The following MYO9B variants were observed in gnomAD, a reference collection of about 807,000 sequenced individuals.
MYO9B encodes the protein unconventional myosin-IXb.
Under a neutral mutation model 229.5 loss-of-function variants are expected in MYO9B, and 71 were observed. The ratio of observed to expected loss-of-function variants is 0.31; its 90% CI spans 0.26 to 0.38. MYO9B has a LOEUF of 0.38. Among genes scored for constraint, MYO9B ranks in the 10% least tolerant of loss-of-function variants. The probability of loss-of-function intolerance (pLI) is 1.00; values close to 1 mark genes in which losing one functional copy is unlikely to be tolerated. For synonymous variants in MYO9B, 1,185 were observed against 1,235.8 expected (o/e 0.96, Z 0.86); for missense variants, 2,255 against 2,920.5 (o/e 0.77, Z 5.25).
intron 8 of MYO9B, among the ~76,000 whole-genome samples, chr19:17,160,572 A>G (rs150269607): frequency 0.032 from 4,757 of 149,354 alleles, 267 homozygotes; most frequent in African/African-American, 0.11. Flanking sequence ...TAGTGGCACA[A>G]TCTCAGCTCA....
chr19:17,206,409 T>TG, intron 33 of MYO9B, 33 bp downstream of exon 33: 1 of 1,602,344 alleles, frequency 6.2e-7, no homozygotes, highest in Non-Finnish European at 8.5e-7. Context: ...TGGCAGCAGG[T>TG]GGCCACAGCC....
chr19:17,135,267 GA>G (rs36012888), intron 2 of MYO9B, among the ~76,000 whole-genome samples: 31,706 of 151,280 alleles, frequency 0.21, 4,003 homozygotes, highest in African/African-American at 0.35. Context: ...TATTATAAAA[GA>G]AAAAAAAATG....
Position 17,162,489 on chromosome 19 carries a change from T to G in MYO9B, c.1536+23T>G, listed in dbSNP as rs774675365. On this transcript the variant is annotated intron_variant, in intron 9 of 39. Coordinates refer to ENST00000682292, the MANE Select transcript of MYO9B (RefSeq NM_004145.4). Reference sequence around the variant, plus strand: ...TCGGTGAGTGCCCCCATTTGCTTCCTCAAGCCCGGCCAGGGGAGGCCACAT... The same window carrying G: ...TCGGTGAGTGCCCCCATTTGCTTCCGCAAGCCCGGCCAGGGGAGGCCACAT... The G allele has an allele frequency of 5.8e-6, 9 of 1,540,832 alleles. No individual in the cohort carries two copies. The East Asian group carries it at 2.2e-4, about 38-fold the overall frequency.
intron 4 of MYO9B, among the ~76,000 whole-genome samples, chr19:17,153,706 AAAAAG>A (rs1369226940): frequency 1.3e-5 from 2 of 151,574 alleles, no homozygotes; most frequent in South Asian, 2.1e-4. Flanking sequence ...AAAAAAAAAA[AAAAAG>A]AAAAGAAAGA....
intron 6 of MYO9B, 128 bp from the exon 7 acceptor site, chr19:17,156,781 A>G: frequency 3.6e-6 from 4 of 1,099,634 alleles, no homozygotes; most frequent in Non-Finnish European, 5.2e-6. Flanking sequence ...GGCCTTAGAC[A>G]TTTTTCAAAT....
At chr19:17,161,441 GGCCAGGGCAGAAGGATTGC>G (rs2072601051) in intron 8 of MYO9B, among the ~76,000 whole-genome samples, 1 of 152,108 alleles carries the variant, frequency 6.6e-6, no homozygotes, top group Admixed American at 6.6e-5. Flanking sequence ...CACTTACGGA[GGCCAGGGCAGAAGGATTGC>G]TTGAGCCCAG....
chr19:17,121,424 T>TA (rs1343461866), intron 2 of MYO9B, among the ~76,000 whole-genome samples: 3 of 149,016 alleles, frequency 2.0e-5, no homozygotes, highest in South Asian at 2.1e-4. Flanking sequence ...AACCCACACT[T>TA]ACAGCAGATA....
chr19:17,210,194 G>T, intron 36 of MYO9B, 139 bp from the exon 37 acceptor site: 2 of 790,410 alleles, frequency 2.5e-6, no homozygotes, highest in Non-Finnish European at 2.0e-6. Context: ...GTGCAGGGGT[G>T]TGTTAGTGGG....
At chr19:17,174,229 C>T (rs770103214) in intron 13 of MYO9B, among the ~76,000 whole-genome samples, 17 of 151,994 alleles carry the variant, frequency 1.1e-4, no homozygotes, top group Non-Finnish European at 1.9e-4. Flanking sequence ...GATAGGGTTT[C>T]ACCATGTTAG....
chr19:17,168,344 T>G (rs980530188), intron 11 of MYO9B, among the ~76,000 whole-genome samples: 5 of 152,162 alleles, frequency 3.3e-5, no homozygotes, highest in African/African-American at 1.2e-4. Flanking sequence ...TTTGTATTTC[T>G]TTGTAGCAAC....
intron 18 of MYO9B, 78 bp downstream of exon 18, chr19:17,186,079 C>T (rs970591813): frequency 7.6e-6 from 10 of 1,307,314 alleles, no homozygotes; most frequent in Non-Finnish European, 1.1e-5. Flanking sequence ...GCATCCAGCC[C>T]CAGCCTCCAC....
At chr19:17,076,347 G>T (rs1452335129) in intron 1 of MYO9B, among the ~76,000 whole-genome samples, 1 of 152,118 alleles carries the variant, frequency 6.6e-6, no homozygotes, top group African/African-American at 2.4e-5. Flanking sequence ...AGAGGGCGGC[G>T]CCTGGCCCCC....
intron 1 of MYO9B, chr19:17,095,910 C>A (rs2057683542): frequency 6.6e-6 from 1 of 152,088 alleles, no homozygotes; most frequent in Non-Finnish European, 1.5e-5. Flanking sequence ...CTACATGCGC[C>A]CCCCCACCAC....
intron 35 of MYO9B, among the ~76,000 whole-genome samples, chr19:17,208,738 G>A (rs2073191341): frequency 1.3e-5 from 2 of 152,218 alleles, no homozygotes; most frequent in African/African-American, 4.8e-5. Context: ...TAGGTGAATG[G>A]TAGTGGATTC....
Position 17,101,774 on chromosome 19 carries a change from G to T in MYO9B, c.57G>T (p.Leu19=), listed in dbSNP as rs1029383402. The T allele has an allele frequency of 3.7e-6, 6 of 1,601,558 alleles. No homozygotes were observed. The highest frequency in any genetic ancestry group is 8.5e-7 in the Non-Finnish European group (1 of 1,177,872). ...SGRREQAAYH[L]HIYPQLSTTE... is the part of the protein sequence containing the mutation. ...GCCGGGAGCAGGCGGCCTACCACCTGCACATCTACCCCCAGCTGTCCACCA... is the reference window on the plus strand; with the variant it reads ...GCCGGGAGCAGGCGGCCTACCACCTTCACATCTACCCCCAGCTGTCCACCA... Residue 19 remains leucine, a synonymous_variant, in exon 2 of 40, where the codon CTG becomes CTT. Coordinates refer to ENST00000682292, the MANE Select transcript of MYO9B (RefSeq NM_004145.4). The surrounding 1 kb of genome is among the most constrained non-coding windows in gnomAD (Gnocchi z 4.7).
At chr19:17,100,123 C>CA (rs35572346) in intron 1 of MYO9B, among the ~76,000 whole-genome samples, 21,638 of 129,892 alleles carry the variant, frequency 0.17, 1,748 homozygotes, top group Non-Finnish European at 0.21. Flanking sequence ...AACTCCATCT[C>CA]AAAAAAAAAA....
intron 1 of MYO9B, among the ~76,000 whole-genome samples, chr19:17,096,531 A>G (rs1052027570): frequency 6.6e-6 from 1 of 151,762 alleles, no homozygotes; most frequent in Non-Finnish European, 1.5e-5. Context: ...TGGTACAGTC[A>G]GAGGATCACT....
chr19:17,158,593 TAA>T (rs77913861), intron 7 of MYO9B, among the ~76,000 whole-genome samples: 42 of 137,788 alleles, frequency 3.0e-4, no homozygotes, highest in Admixed American at 5.1e-4. Context: ...AGACTCCATC[TAA>T]AAAAAAAAAA....
At chr19:17,166,597 C>G (rs964773059) in intron 10 of MYO9B, among the ~76,000 whole-genome samples, 3 of 151,764 alleles carry the variant, frequency 2.0e-5, no homozygotes, top group African/African-American at 4.8e-5. Context: ...TATTTCATCA[C>G]CCAGGTATTA....
Sources: allele counts gnomAD v4.1 joint callset (sites outside exome capture counted in the v4.1 genomes callset), GRCh38; gene constraint gnomAD v4.1.1; non-coding constraint Gnocchi (gnomAD v3.1); transcripts MANE v1.5; gene names NCBI Gene and HGNC (gene_info 2026-07-23, HGNC 2026-07-21).